Variants in MID1 observed in about 807,000 individuals in gnomAD.
MID1 encodes midline 1.
In MID1, 7 loss-of-function variants were observed where a neutral mutation model predicts 40.4. The observed-to-expected ratio is 0.17, with a 90% confidence interval of 0.10 to 0.33. The LOEUF (loss-of-function observed/expected upper bound fraction) is 0.33. Ranked by LOEUF, MID1 falls within the 10% of genes least tolerant of loss-of-function variation. The pLI, the probability that MID1 is intolerant of heterozygous loss-of-function variation, is 1.00. For missense variants in MID1, 367 were observed against 558.5 expected (o/e 0.66, Z 3.46); for synonymous variants, 229 against 221.2 (o/e 1.04, Z -0.31).
At chrX:10,712,886 G>T (rs948050502) in intron 1 of MID1, among the ~76,000 whole-genome samples, 1 of 111,336 alleles carries the variant, frequency 9.0e-6, no homozygotes, top group Admixed American at 9.6e-5. Flanking sequence ...GCCCAGGCTG[G>T]AGTGCAGTGG....
chrX:10,552,284 G>C (rs1479955320), intron 2 of MID1, among the ~76,000 whole-genome samples: 1 of 110,893 alleles, frequency 9.0e-6, no homozygotes, highest in East Asian at 2.8e-4. Context: ...AGAGTTGGTA[G>C]AGGAAGAGCT....
intron 1 of MID1, among the ~76,000 whole-genome samples, chrX:10,827,054 T>C (rs1004830445): frequency 1.2e-4 from 13 of 111,670 alleles, no homozygotes; most frequent in Admixed American, 1.1e-3. Context: ...ACTACAAATG[T>C]TGTTCTCCCT....
Position 10,724,543 on chromosome X carries a change from A to G in MID1, c.-186-104124T>C, listed in dbSNP as rs779581459. Among the ~76,000 whole-genome samples the G allele has an allele frequency of 8.9e-5, 10 of 112,045 alleles. No individual in the cohort carries two copies. In the East Asian group the frequency reaches 2.5e-3, roughly 28 times the overall value. On this transcript the variant is annotated intron_variant, in intron 1 of 10. Coordinates refer to the MID1 transcript ENST00000380785. ...TGACTATAGTAATTCAATAAAAGAG[A>G]CCTGGATTCTCTGTAGTTTAGAGGA...
upstream of MID1, among the ~76,000 whole-genome samples, chrX:10,623,081 T>C (rs1357313680): frequency 1.9e-5 from 1 of 51,391 alleles, no homozygotes; most frequent in South Asian, 8.1e-4. Flanking sequence ...ATGCTGTCTC[T>C]ACAAAAAAAA....
intron 8 of MID1, among the ~76,000 whole-genome samples, chrX:10,459,420 G>C (rs1194224240): frequency 8.9e-6 from 1 of 112,059 alleles, no homozygotes; most frequent in East Asian, 2.8e-4. Flanking sequence ...TTTTAAAATT[G>C]AGTAATGCAG....
intron 1 of MID1, among the ~76,000 whole-genome samples, chrX:10,712,300 C>A (rs956948904): frequency 1.8e-5 from 2 of 111,022 alleles, no homozygotes; most frequent in Non-Finnish European, 3.8e-5. Context: ...TGATGATCAG[C>A]GCTTCCTGAT....
In MID1 at chrX:10,465,206, TATATATATACACACAC is replaced by T. The variant is rs201105837; in HGVS notation, c.1285+4475_1285+4490del. On this transcript the variant is annotated intron_variant, in intron 7 of 9. Coordinates refer to ENST00000317552, the MANE Select transcript of MID1 (RefSeq NM_000381.4). ...GAAATTTTATATATATATATATATA[TATATATATACACACAC>T]ACACACACACACACACACACACACA... is the stretch of plus-strand genomic sequence containing the variant. Among the ~76,000 whole-genome samples, 596 of 68,687 alleles carry T rather than the reference TATATATATACACACAC, an allele frequency of 8.7e-3. 6 individuals are homozygous for T. The highest frequency in any genetic ancestry group is 0.013 in the Non-Finnish European group (493 of 38,860). 59.6% of individuals were successfully genotyped at this position (68,687 alleles called of 115,157 possible). A position where few individuals can be genotyped will look rare whatever the true frequency, so the allele number is the denominator to read the frequency against.
intron 2 of MID1, among the ~76,000 whole-genome samples, chrX:10,528,643 A>G (rs374918942): frequency 7.1e-5 from 8 of 112,134 alleles, no homozygotes; most frequent in African/African-American, 2.3e-4. Flanking sequence ...TTTGACCCAC[A>G]ACTGTTGTTT....
At chrX:10,613,726 TATATATAGAGAGAGAGAG>T (rs1935782152) in intron 1 of MID1, among the ~76,000 whole-genome samples, 2 of 48,593 alleles carry the variant, frequency 4.1e-5, no homozygotes, top group African/African-American at 9.3e-5. Context: ...TATATATATA[TATATATAGAGAGAGAGAG>T]AGAGAGAGAG....
chrX:10,690,085 C>T (rs2147075637), intron 1 of MID1, among the ~76,000 whole-genome samples: 1 of 111,027 alleles, frequency 9.0e-6, no homozygotes, highest in South Asian at 3.8e-4. Flanking sequence ...TATGACAATA[C>T]CAACAACAAT....
intron 1 of MID1, among the ~76,000 whole-genome samples, chrX:10,575,494 T>C (rs1278178902): frequency 8.9e-6 from 1 of 112,284 alleles, no homozygotes; most frequent in Non-Finnish European, 1.9e-5. Context: ...CCAAGATGAA[T>C]TCATCATAGG....
chrX:10,584,295 C>G (rs753338786), intron 1 of MID1, among the ~76,000 whole-genome samples: 2 of 112,483 alleles, frequency 1.8e-5, no homozygotes, highest in South Asian at 7.4e-4. Flanking sequence ...GAGACACATT[C>G]AAACCATAGC....
At chrX:10,595,302 G>C (rs1257031963) in intron 1 of MID1, among the ~76,000 whole-genome samples, 1 of 111,770 alleles carries the variant, frequency 8.9e-6, no homozygotes, top group Non-Finnish European at 1.9e-5. Context: ...ATCAGCCTAA[G>C]TGCCCATCTA....
intron 4 of MID1, among the ~76,000 whole-genome samples, chrX:10,483,959 C>T (rs1411735807): frequency 2.7e-5 from 3 of 111,869 alleles, no homozygotes; most frequent in Non-Finnish European, 5.6e-5. Context: ...AACTTTAGGG[C>T]AAATAATATA....
At chrX:10,641,439 G>C (rs74617343) in intron 1 of MID1, among the ~76,000 whole-genome samples, 3 of 111,655 alleles carry the variant, frequency 2.7e-5, no homozygotes, top group African/African-American at 9.8e-5. Context: ...ACAAATTCCT[G>C]GACACATACA....
At chrX:10,499,336 C>T (rs944711998) in intron 3 of MID1, among the ~76,000 whole-genome samples, 1 of 111,759 alleles carries the variant, frequency 8.9e-6, no homozygotes, top group Non-Finnish European at 1.9e-5. Context: ...TTTACATATT[C>T]AGAATACAAG....
At chrX:10,481,901 CCCTA>C (rs1228869895) in intron 5 of MID1, among the ~76,000 whole-genome samples, 1 of 112,010 alleles carries the variant, frequency 8.9e-6, no homozygotes, top group Non-Finnish European at 1.9e-5. Context: ...CATTAAAGCT[CCCTA>C]CCTGAGAATA....
chrX:10,740,308 T>C (rs1022172422), intron 1 of MID1, among the ~76,000 whole-genome samples: 17 of 112,659 alleles, frequency 1.5e-4, no homozygotes, highest in African/African-American at 5.5e-4. Flanking sequence ...TGCTATGAGG[T>C]AGGAATATTA....
intron 1 of MID1, among the ~76,000 whole-genome samples, chrX:10,686,021 G>A (rs1469380337): frequency 9.0e-6 from 1 of 111,321 alleles, no homozygotes; most frequent in African/African-American, 3.3e-5. Context: ...GGATGAGAAG[G>A]TTTGTGTTTA....
Sources: gnomAD v4.1 joint callset for allele counts (sites outside exome capture counted in the v4.1 genomes callset) on GRCh38, gnomAD v4.1.1 for gene constraint, MANE v1.5 for transcripts, NCBI Gene and HGNC (gene_info 2026-07-23, HGNC 2026-07-21) for gene names.